LRMDA: variants seen among roughly 807,000 people sequenced by gnomAD.
LRMDA encodes the protein leucine rich melanocyte differentiation associated.
Under a neutral mutation model 29.8 loss-of-function variants are expected in LRMDA, and 18 were observed. The ratio of observed to expected loss-of-function variants is 0.60; its 90% CI spans 0.42 to 0.90. The LOEUF (loss-of-function observed/expected upper bound fraction) is 0.90. Ranked by LOEUF, LRMDA falls within the 40% of genes least tolerant of loss-of-function variation. The probability of loss-of-function intolerance (pLI) is 0.00; values close to 1 mark genes in which losing one functional copy is unlikely to be tolerated. For synonymous variants in LRMDA, 125 were observed against 109.4 expected, an observed-to-expected ratio of 1.14 and a Z score of -0.89; for missense variants, 273 against 273.9, an observed-to-expected ratio of 1.00 and a Z score of 0.02.
At chr10:76,309,587 G>A (rs1440857133) in intron 5 of LRMDA, among the ~76,000 whole-genome samples, 3 of 152,128 alleles carry the variant, frequency 2.0e-5, no homozygotes, top group African/African-American at 4.8e-5. Context: ...CTTGAAAGGC[G>A]GGTGTCTCCC....
intron 2 of LRMDA, among the ~76,000 whole-genome samples, chr10:75,730,527 C>T (rs1191642622): frequency 1.3e-5 from 2 of 152,202 alleles, no homozygotes; most frequent in Non-Finnish European, 2.9e-5. Context: ...ACCAGACAAA[C>T]AGGACTGCTG....
At chr10:76,130,294 G>C (rs1056487583) in intron 5 of LRMDA, among the ~76,000 whole-genome samples, 4 of 152,134 alleles carry the variant, frequency 2.6e-5, no homozygotes, top group African/African-American at 9.7e-5. Context: ...AGCCCATCAA[G>C]TTATTAGTAA....
At chr10:76,189,846 A>T (rs1368555097) in intron 5 of LRMDA, among the ~76,000 whole-genome samples, 2 of 152,124 alleles carry the variant, frequency 1.3e-5, no homozygotes, top group Non-Finnish European at 2.9e-5. Context: ...TCCTGTCCTT[A>T]TAGTGGCTTT....
At chr10:75,485,731 C>T (rs1349532995) in intron 2 of LRMDA, among the ~76,000 whole-genome samples, 2 of 152,148 alleles carry the variant, frequency 1.3e-5, no homozygotes, top group Non-Finnish European at 2.9e-5. Flanking sequence ...GCATGTGCCA[C>T]CATGCCTAGC....
intron 6 of LRMDA, among the ~76,000 whole-genome samples, chr10:76,418,800 A>G (rs542799577): frequency 3.7e-4 from 57 of 152,196 alleles, no homozygotes; most frequent in African/African-American, 1.3e-3. Context: ...TGAGTTTTCA[A>G]CATCAATGGG....
chr10:75,749,809 A>C (rs993574440), intron 2 of LRMDA, among the ~76,000 whole-genome samples: 4 of 152,134 alleles, frequency 2.6e-5, no homozygotes, highest in Admixed American at 6.5e-5. Context: ...TGGGTACTTG[A>C]GATTAGGGAG....
chr10:76,461,888 A>G (rs1052899749), intron 6 of LRMDA, among the ~76,000 whole-genome samples: 1 of 152,078 alleles, frequency 6.6e-6, no homozygotes, highest in Non-Finnish European at 1.5e-5. Context: ...TAGCCTGGGC[A>G]ACATAGAGAA....
intron 2 of LRMDA, among the ~76,000 whole-genome samples, chr10:75,960,244 A>C (rs763492698): frequency 6.6e-6 from 1 of 152,232 alleles, no homozygotes; most frequent in Non-Finnish European, 1.5e-5. Flanking sequence ...GATTACTTCA[A>C]ATTCCCCATG....
chr10:76,199,595 T>C (rs1430404932), intron 5 of LRMDA, among the ~76,000 whole-genome samples: 3 of 152,210 alleles, frequency 2.0e-5, no homozygotes, highest in Admixed American at 2.0e-4. Context: ...CGGCTAAATA[T>C]AGCATTTTCT....
At chr10:75,650,388 T>A (rs1204600208) in intron 2 of LRMDA, among the ~76,000 whole-genome samples, 1 of 152,156 alleles carries the variant, frequency 6.6e-6, no homozygotes, top group African/African-American at 2.4e-5. Flanking sequence ...CTTAGTAACC[T>A]TGTCAAAATC....
rs547773222 is a variant in LRMDA, at chr10:75,996,694, C to G, written c.132-39314C>G. ...GAATAGTGCCACGAAGCAGGAAGGA[C>G]TATGATTTCTAAAATTACGTGTTTT... On this transcript the variant is annotated intron_variant, in intron 2 of 6. Transcript: ENST00000611255. 2.6e-5 allele frequency among the ~76,000 whole-genome samples: 4 copies of G among 151,392 alleles called. No homozygotes were observed. In the South Asian group the frequency reaches 8.3e-4, roughly 32 times the overall value.
At chr10:75,979,354 A>G (rs532683343) in intron 2 of LRMDA, among the ~76,000 whole-genome samples, 1 of 152,352 alleles carries the variant, frequency 6.6e-6, no homozygotes, top group East Asian at 1.9e-4. Context: ...AGACACAGCT[A>G]TAAATAATGA....
chr10:76,121,949 G>C (rs1849797529), intron 5 of LRMDA, among the ~76,000 whole-genome samples: 1 of 152,150 alleles, frequency 6.6e-6, no homozygotes, highest in African/African-American at 2.4e-5. Context: ...GATACAGATA[G>C]ACTGAGTTCC....
chr10:76,175,475 G>A lies in LRMDA; in HGVS notation c.516+116692G>A, dbSNP rs565894062. ...TGCTCGCATTAACTATTATTTTAATGCTATTATCGTTTCTCTGGCCACTGG... is the reference window on the plus strand; with the variant it reads ...TGCTCGCATTAACTATTATTTTAATACTATTATCGTTTCTCTGGCCACTGG... On this transcript the variant is annotated intron_variant, in intron 5 of 6. Coordinates refer to ENST00000611255, the MANE Select transcript of LRMDA (RefSeq NM_001305581.2). Among the ~76,000 whole-genome samples, 5 of 152,288 alleles carry A rather than the reference G, an allele frequency of 3.3e-5. No individual in the cohort carries two copies. The South Asian group carries it at 1.0e-3, about 32-fold the overall frequency.
At chr10:75,734,096 C>T (rs1425614946) in intron 2 of LRMDA, among the ~76,000 whole-genome samples, 1 of 152,156 alleles carries the variant, frequency 6.6e-6, no homozygotes, top group Non-Finnish European at 1.5e-5. Context: ...GATGGATAGG[C>T]CCTTTCTTCT....
intron 1 of LRMDA, among the ~76,000 whole-genome samples, chr10:75,434,353 G>C (rs1403314349): frequency 1.3e-5 from 2 of 152,174 alleles, no homozygotes; most frequent in African/African-American, 4.8e-5. Context: ...GCATGGGGCT[G>C]TTTCATGAGG....
chr10:76,456,537 G>T (rs1244396093), intron 6 of LRMDA, among the ~76,000 whole-genome samples: 1 of 151,880 alleles, frequency 6.6e-6, no homozygotes, highest in Non-Finnish European at 1.5e-5. Context: ...TAAGAAAAGA[G>T]TCTTGTTTTG....
rs112543797 is a variant in LRMDA at position 76,524,660 on chromosome 10, T to A, written c.602-32549T>A. 2.3e-3 allele frequency among the ~76,000 whole-genome samples: 346 copies of A among 152,354 alleles called. 2 individuals are homozygous for A. The highest frequency in any genetic ancestry group is 0.01 in the Middle Eastern group (3 of 294). ...TTGAACGGTGTCCAATGACTTCGAATAACCATGTGTTCTCTTTTGGAATAC... is the reference window on the plus strand; with the variant it reads ...TTGAACGGTGTCCAATGACTTCGAAAAACCATGTGTTCTCTTTTGGAATAC... On this transcript the variant is annotated intron_variant, in intron 6 of 6. Transcript: ENST00000611255.
intron 6 of LRMDA, among the ~76,000 whole-genome samples, chr10:76,466,413 G>A (rs1218261772): frequency 1.3e-5 from 2 of 152,034 alleles, no homozygotes; most frequent in African/African-American, 4.8e-5. Flanking sequence ...ACAGGTGTCC[G>A]CTGGCAAAAA....
Sources: gnomAD v4.1 joint callset for allele counts (sites outside exome capture counted in the v4.1 genomes callset) on GRCh38, gnomAD v4.1.1 for gene constraint, MANE v1.5 for transcripts, NCBI Gene and HGNC (gene_info 2026-07-23, HGNC 2026-07-21) for gene names.